The following C10orf143 variants were observed in gnomAD, a reference collection of about 807,000 sequenced individuals.
The protein encoded by C10orf143 is uncharacterized protein C10orf143.
chr10:130,063,304 C>T (rs746597556), downstream of C10orf143, among the ~76,000 whole-genome samples: 2 of 152,020 alleles, frequency 1.3e-5, no homozygotes, highest in Non-Finnish European at 2.9e-5. Flanking sequence ...CTTTTTTTCC[C>T]GTAAAAATTA....
At chr10:130,094,398 C>T (rs528326405) in intron 1 of C10orf143, among the ~76,000 whole-genome samples, 3 of 152,256 alleles carry the variant, frequency 2.0e-5, no homozygotes, top group African/African-American at 7.2e-5. Context: ...CATTCTGATA[C>T]CAAAATCTGG....
At chr10:130,040,227 G>T (rs948279881) in intron 3 of C10orf143, among the ~76,000 whole-genome samples, 5 of 152,240 alleles carry the variant, frequency 3.3e-5, no homozygotes, top group East Asian at 1.9e-4. Flanking sequence ...TGGGCTGAAG[G>T]CACCCCAATC....
intron 3 of C10orf143, among the ~76,000 whole-genome samples, chr10:130,052,601 C>G (rs1860749739): frequency 6.6e-6 from 1 of 152,168 alleles, no homozygotes; most frequent in Non-Finnish European, 1.5e-5. Context: ...ATCTTTGGAC[C>G]CCCTCACCTT....
chr10:130,080,264 T>G (rs571958572), intron 1 of C10orf143, among the ~76,000 whole-genome samples: 7 of 152,364 alleles, frequency 4.6e-5, no homozygotes, highest in African/African-American at 1.7e-4. Flanking sequence ...TTGCTTAGTA[T>G]CAAGTTACAT....
chr10:130,058,920 T>C (rs569899395), downstream of C10orf143, among the ~76,000 whole-genome samples: 54 of 152,286 alleles, frequency 3.5e-4, no homozygotes, highest in African/African-American at 1.2e-3. Flanking sequence ...ATGTGTGTTA[T>C]ATTTTAATAA....
intron 3 of C10orf143, among the ~76,000 whole-genome samples, chr10:130,038,678 C>T (rs1183124808): frequency 1.3e-5 from 2 of 152,204 alleles, no homozygotes; most frequent in African/African-American, 4.8e-5. Flanking sequence ...ACCCCCCAGG[C>T]TGAGCCATGC....
intron 3 of C10orf143, among the ~76,000 whole-genome samples, chr10:130,075,220 C>T (rs927597805): frequency 1.3e-5 from 2 of 152,142 alleles, no homozygotes; most frequent in East Asian, 1.9e-4. Flanking sequence ...ACTCCCTACC[C>T]GTTTGAGTAA....
chr10:130,110,510 G>A (rs1267402731), intron 1 of C10orf143, among the ~76,000 whole-genome samples, 194 bp downstream of exon 1: 1 of 152,252 alleles, frequency 6.6e-6, no homozygotes, highest in Non-Finnish European at 1.5e-5. Context: ...CCGGGAGAGC[G>A]GCGTCACAAC....
chr10:130,107,087 C>T (rs1415639950), intron 1 of C10orf143: 5 of 1,581,670 alleles, frequency 3.2e-6, no homozygotes, highest in Non-Finnish European at 3.5e-6. Flanking sequence ...AAAGGAAGAG[C>T]TTACAGAGCA....
downstream of C10orf143, among the ~76,000 whole-genome samples, chr10:130,061,435 G>A (rs1301065475): frequency 6.6e-6 from 1 of 152,120 alleles, no homozygotes; most frequent in Non-Finnish European, 1.5e-5. Flanking sequence ...CACTTACCAT[G>A]CTTTTGAATG....
At position 130,058,209 on chromosome 10, in the gene C10orf143, C is replaced by T. The variant is rs188693811; in HGVS notation, c.297+21357G>A. Among the ~76,000 whole-genome samples the T allele has an allele frequency of 5.1e-3, 769 of 152,270 alleles. 9 individuals carry two copies. The highest frequency in any genetic ancestry group is 0.018 in the African/African-American group (729 of 41,550). On this transcript the variant is annotated intron_variant and NMD_transcript_variant, in intron 3 of 5. Transcript: ENST00000643056. ...AGTCTGCATTTTAACCAGACACCCACCCCTACTCCACCACCCCACAATCCA... is the reference window on the plus strand; with the variant it reads ...AGTCTGCATTTTAACCAGACACCCATCCCTACTCCACCACCCCACAATCCA...
intron 3 of C10orf143, among the ~76,000 whole-genome samples, chr10:130,047,757 C>T (rs183946876): frequency 9.0e-4 from 137 of 152,312 alleles, no homozygotes; most frequent in African/African-American, 3.2e-3. Flanking sequence ...AACATGGTGG[C>T]CTTGGCCTCT....
chr10:130,051,003 G>A (rs1260778618), intron 3 of C10orf143, among the ~76,000 whole-genome samples: 4 of 152,182 alleles, frequency 2.6e-5, no homozygotes, highest in Admixed American at 6.5e-5. Context: ...CAGGTGCAGC[G>A]CTGGCTGTGA....
At chr10:130,059,229 G>A (rs1280115999), downstream of C10orf143, among the ~76,000 whole-genome samples, 3 of 152,238 alleles carry the variant, frequency 2.0e-5, no homozygotes, top group East Asian at 5.8e-4. Context: ...GGGAAAGAAA[G>A]GCCTTTCTCA....
At chr10:130,048,896 G>A (rs1860706737) in intron 3 of C10orf143, among the ~76,000 whole-genome samples, 1 of 152,012 alleles carries the variant, frequency 6.6e-6, no homozygotes, top group Non-Finnish European at 1.5e-5. Flanking sequence ...TTAGACATAG[G>A]GTCTCGCTAT....
At chr10:130,089,657 C>T (rs1861349510) in intron 1 of C10orf143, among the ~76,000 whole-genome samples, 1 of 152,126 alleles carries the variant, frequency 6.6e-6, no homozygotes, top group Non-Finnish European at 1.5e-5. Context: ...ATAATAGAAA[C>T]TTAATATACA....
At chr10:130,049,284 G>A (rs1860710769) in intron 3 of C10orf143, among the ~76,000 whole-genome samples, 1 of 152,194 alleles carries the variant, frequency 6.6e-6, no homozygotes, top group Admixed American at 6.5e-5. Context: ...GAGCAATGGG[G>A]GCTCGGGCAA....
chr10:130,099,831 T>C (rs1262657459), intron 1 of C10orf143, among the ~76,000 whole-genome samples: 1 of 142,542 alleles, frequency 7.0e-6, no homozygotes, highest in Non-Finnish European at 1.5e-5. Context: ...TAAATTTTTT[T>C]TATTTTTTCT....
intron 3 of C10orf143, among the ~76,000 whole-genome samples, chr10:130,069,518 CAGTA>C (rs753776694): frequency 3.4e-4 from 52 of 152,144 alleles, no homozygotes; most frequent in Non-Finnish European, 6.5e-4. Flanking sequence ...TGACTGTTAC[CAGTA>C]AGTAAGAGTC....
Sources: allele counts gnomAD v4.1 joint callset (sites outside exome capture counted in the v4.1 genomes callset), GRCh38; gene constraint gnomAD v4.1.1; transcripts MANE v1.5; gene names NCBI Gene and HGNC (gene_info 2026-07-23, HGNC 2026-07-21).